The following CDH13 variants were observed in gnomAD, a reference collection of about 807,000 sequenced individuals.
CDH13 encodes the protein cadherin-13.
CDH13 carries 24 observed loss-of-function variants against 63.8 expected under a neutral mutation model. The ratio of observed to expected loss-of-function variants is 0.38; its 90% CI spans 0.27 to 0.53. The LOEUF is 0.53. Ranked by LOEUF, CDH13 falls within the 20% of genes least tolerant of loss-of-function variation. The pLI is 0.85. For missense variants in CDH13, 1,049 were observed against 903.1 expected (o/e 1.16, Z -2.07); for synonymous variants, 503 against 355.3 (o/e 1.42, Z -4.67).
chr16:83,534,806 A>G (rs2075152529), intron 7 of CDH13, among the ~76,000 whole-genome samples: 1 of 152,210 alleles, frequency 6.6e-6, no homozygotes, highest in Non-Finnish European at 1.5e-5. Context: ...AGTTATTCTT[A>G]TTTAAATGTG....
chr16:83,168,987 C>T (rs1346818925), intron 4 of CDH13, among the ~76,000 whole-genome samples: 3 of 152,104 alleles, frequency 2.0e-5, no homozygotes, highest in Admixed American at 6.5e-5. Flanking sequence ...GGTACACAGA[C>T]GTGGGTCCAC....
chr16:83,315,862 G>A (rs1241327208), intron 5 of CDH13, among the ~76,000 whole-genome samples: 1 of 152,130 alleles, frequency 6.6e-6, no homozygotes, highest in African/African-American at 2.4e-5. Flanking sequence ...AACTATGCTA[G>A]GTTCTAGTGT....
At chr16:83,215,216 A>G (rs2039462434) in intron 4 of CDH13, among the ~76,000 whole-genome samples, 1 of 151,298 alleles carries the variant, frequency 6.6e-6, no homozygotes, top group Non-Finnish European at 1.5e-5. Flanking sequence ...AACAGGGATT[A>G]CAGGTGTGCG....
At chr16:83,760,903 C>A (rs1396440778) in intron 11 of CDH13, among the ~76,000 whole-genome samples, 1 of 152,186 alleles carries the variant, frequency 6.6e-6, no homozygotes, top group East Asian at 1.9e-4. Context: ...AGGGCAATCC[C>A]TGTTTGCTGA....
intron 1 of CDH13, among the ~76,000 whole-genome samples, chr16:82,679,132 C>T (rs1046442986): frequency 1.1e-4 from 16 of 152,214 alleles, no homozygotes; most frequent in Non-Finnish European, 1.9e-4. Context: ...AACGCCAGCT[C>T]CTTTGCATTC....
intron 1 of CDH13, among the ~76,000 whole-genome samples, chr16:82,736,624 C>T (rs2033687645): frequency 6.6e-6 from 1 of 152,152 alleles, no homozygotes; most frequent in Non-Finnish European, 1.5e-5. Flanking sequence ...TTTTTCCTCT[C>T]TCCGCTAGCT....
At chr16:83,102,363 C>A (rs188081137) in intron 3 of CDH13, among the ~76,000 whole-genome samples, 1 of 152,160 alleles carries the variant, frequency 6.6e-6, no homozygotes, top group African/African-American at 2.4e-5. Flanking sequence ...GGCTATCTGG[C>A]GGAAGAGATA....
intron 7 of CDH13, among the ~76,000 whole-genome samples, chr16:83,499,225 G>GA (rs2074215943): frequency 6.6e-6 from 1 of 152,178 alleles, no homozygotes; most frequent in Non-Finnish European, 1.5e-5. Context: ...TAATAATATA[G>GA]AAAGATGTTC....
At chr16:83,269,913 A>C (rs1408381217) in intron 5 of CDH13, among the ~76,000 whole-genome samples, 1 of 152,230 alleles carries the variant, frequency 6.6e-6, no homozygotes, top group Non-Finnish European at 1.5e-5. Flanking sequence ...TTCTATGCTA[A>C]GTTAAACAGA....
intron 3 of CDH13, among the ~76,000 whole-genome samples, chr16:83,040,403 C>G (rs1009731265): frequency 1.3e-5 from 2 of 152,140 alleles, no homozygotes; most frequent in African/African-American, 4.8e-5. Flanking sequence ...CACAAAACCT[C>G]AAAAGTAGGG....
At chr16:83,145,886 C>T (rs568395795) in intron 4 of CDH13, among the ~76,000 whole-genome samples, 1 of 152,098 alleles carries the variant, frequency 6.6e-6, no homozygotes, top group South Asian at 2.1e-4. Context: ...AACTGTGACT[C>T]TAAGGATGAA....
intron 1 of CDH13, among the ~76,000 whole-genome samples, chr16:82,752,183 C>G (rs559242449): frequency 6.6e-6 from 1 of 152,326 alleles, no homozygotes; most frequent in South Asian, 2.1e-4. Flanking sequence ...ACCAAATTCT[C>G]TTCTCATTAT....
chr16:82,951,195 G>A (rs1036032890), intron 2 of CDH13, among the ~76,000 whole-genome samples: 1 of 152,150 alleles, frequency 6.6e-6, no homozygotes, highest in African/African-American at 2.4e-5. Flanking sequence ...ACAAAAGTCA[G>A]TGGAATCATT....
intron 1 of CDH13, among the ~76,000 whole-genome samples, chr16:82,779,116 CTATTTTT>C (rs945501157): frequency 2.6e-5 from 4 of 152,270 alleles, no homozygotes; most frequent in African/African-American, 9.6e-5. Context: ...CCACTGAAAA[CTATTTTT>C]TAAATGTAAT....
chr16:83,644,325 G>A (rs66480519), intron 8 of CDH13, among the ~76,000 whole-genome samples: 41,584 of 151,992 alleles, frequency 0.27, 5,768 homozygotes, highest in South Asian at 0.36. Context: ...TTTGTATTGT[G>A]TTCTGTTTTA....
At chr16:83,305,704 C>T (rs2089858431) in intron 5 of CDH13, among the ~76,000 whole-genome samples, 1 of 152,010 alleles carries the variant, frequency 6.6e-6, no homozygotes, top group Non-Finnish European at 1.5e-5. Flanking sequence ...CCATGTGATC[C>T]CGGGGGCAAA....
chr16:83,647,786 G>A (rs187827724), intron 8 of CDH13, among the ~76,000 whole-genome samples: 1 of 152,168 alleles, frequency 6.6e-6, no homozygotes, highest in Non-Finnish European at 1.5e-5. Context: ...CAGTGGTGCT[G>A]GTAGGACCAA....
intron 6 of CDH13, among the ~76,000 whole-genome samples, chr16:83,415,105 T>C (rs576991358): frequency 1.3e-5 from 2 of 149,008 alleles, no homozygotes; most frequent in South Asian, 4.3e-4. Flanking sequence ...ACCACAGAAA[T>C]AAAAAGGTTC....
At chr16:82,806,825 C>G (rs902966605) in intron 1 of CDH13, among the ~76,000 whole-genome samples, 1 of 152,156 alleles carries the variant, frequency 6.6e-6, no homozygotes, top group African/African-American at 2.4e-5. Context: ...ACAAGGCTTT[C>G]ATTCTACCAT....
Sources: allele counts gnomAD v4.1 joint callset (sites outside exome capture counted in the v4.1 genomes callset), GRCh38; gene constraint gnomAD v4.1.1; transcripts MANE v1.5; gene names NCBI Gene and HGNC (gene_info 2026-07-23, HGNC 2026-07-21).